CFAP57: variants seen among roughly 807,000 people sequenced by gnomAD.
CFAP57 encodes cilia- and flagella-associated protein 57.
In CFAP57, 116 loss-of-function variants were observed where a neutral mutation model predicts 146.8. The ratio of observed to expected loss-of-function variants is 0.79; its 90% confidence interval spans 0.68 to 0.92. CFAP57 has a LOEUF of 0.92. CFAP57 is among the 40% of genes least tolerant of loss of function. The pLI is 0.00. For synonymous variants in CFAP57, 518 were observed against 552.8 expected (o/e 0.94, Z 0.88); for missense variants, 1,377 against 1,527.2 (o/e 0.90, Z 1.64).
In CFAP57 at chr1:43,201,666, A is replaced by G. The variant is rs1014050333; in HGVS notation, c.1542+2163A>G. 6.6e-6 allele frequency among the ~76,000 whole-genome samples: 1 copy of G among 152,182 alleles called. No homozygotes were observed. Among genetic ancestry groups the G allele is most frequent in the Non-Finnish European group, 1.5e-5 (1 of 68,038 alleles). Reference sequence around the variant, plus strand: ...GTTTCGCTTTCGTTGCCCAGGCTGGAGTGCAATGGCACAATCTCAGCTCAC... The same window carrying G: ...GTTTCGCTTTCGTTGCCCAGGCTGGGGTGCAATGGCACAATCTCAGCTCAC... On this transcript the variant is annotated intron_variant, in intron 9 of 22. Coordinates refer to ENST00000372492, the MANE Select transcript of CFAP57 (RefSeq NM_001378189.1). This position sits in a 1 kb window ranked among gnomAD's most constrained non-coding sequence, Gnocchi z 4.4.
At position 43,189,768 on chromosome 1, in the gene CFAP57, G is replaced by A. The variant is rs144543457; in HGVS notation, c.1122+2909G>A. On this transcript the variant is annotated intron_variant, in intron 6 of 22. Transcript: ENST00000372492. ...GGTGCTGGCATCTGCTTCTGGTAAGGGTTCAGGAAGCTTACAATCATAGTG... is the reference window on the plus strand; with the variant it reads ...GGTGCTGGCATCTGCTTCTGGTAAGAGTTCAGGAAGCTTACAATCATAGTG... Among the ~76,000 whole-genome samples, 562 of 152,276 alleles carry A rather than the reference G, an allele frequency of 3.7e-3. 6 individuals carry two copies. Among genetic ancestry groups the A allele is most frequent in the African/African-American group, 0.013 (534 of 41,542 alleles).
chr1:43,197,988 C>T (rs598736), intron 7 of CFAP57, among the ~76,000 whole-genome samples: 4,262 of 152,244 alleles, frequency 0.028, 150 homozygotes, highest in African/African-American at 0.08. Flanking sequence ...TCCAGCTCTC[C>T]TATCCCCTTG....
At position 43,197,747 on chromosome 1, in the gene CFAP57, A is replaced by T. The variant is rs966684639; in HGVS notation, c.1262+55A>T. ...TATGCAAGACCCCAGTTGTGAATTT[A>T]TGTGAATTATTTTAATTACAGTGTT... On this transcript the variant is annotated intron_variant, in intron 7 of 22. Transcript: ENST00000372492. The T allele has an allele frequency of 2.5e-6, 4 of 1,603,038 alleles. No individual in the cohort carries two copies. In the East Asian group the frequency reaches 8.9e-5, roughly 36 times the overall value.
At chr1:43,228,318 C>T (rs942571610) in intron 18 of CFAP57, among the ~76,000 whole-genome samples, 5 of 152,240 alleles carry the variant, frequency 3.3e-5, no homozygotes, top group East Asian at 1.9e-4. Context: ...TCCCCCAGAT[C>T]GCCACATGGC....
intron 22 of CFAP57, among the ~76,000 whole-genome samples, chr1:43,247,835 C>A (rs972796865): frequency 7.9e-5 from 12 of 152,014 alleles, no homozygotes; most frequent in African/African-American, 2.7e-4. Flanking sequence ...TTTAAAGAAC[C>A]AGTCATTTGG....
intron 9 of CFAP57, among the ~76,000 whole-genome samples, chr1:43,202,557 C>T (rs1441564102): frequency 2.6e-5 from 4 of 151,796 alleles, no homozygotes; most frequent in African/African-American, 4.8e-5. Context: ...CTGAGGCAGG[C>T]GGATCCCTTG....
chr1:43,201,718 C>T lies in CFAP57; in HGVS notation c.1542+2215C>T, dbSNP rs920702711. On this transcript the variant is annotated intron_variant, in intron 9 of 22. Transcript: ENST00000372492. This position sits in a 1 kb window ranked among gnomAD's most constrained non-coding sequence, Gnocchi z 4.4. ...GCAACCTCCGCCTCCCAGGTTCAAG[C>T]GATTCTCCTGCCTCAGCCTCCTGAG... is the stretch of plus-strand genomic sequence containing the variant. Among the ~76,000 whole-genome samples, 14 of 152,306 alleles carry T rather than the reference C, an allele frequency of 9.2e-5. No homozygotes were observed. Among genetic ancestry groups the T allele is most frequent in the Non-Finnish European group, 1.8e-4 (12 of 68,018 alleles).
At chr1:43,172,633 C>A in intron 1 of CFAP57, 102 bp from the exon 2 acceptor site, 1 of 1,060,264 alleles carries the variant, frequency 9.4e-7, no homozygotes, top group South Asian at 1.3e-5. Flanking sequence ...AGGGGAGAGA[C>A]AAGGGGAGGA....
rs1646386073 is a variant in CFAP57, at chr1:43,254,158, C to G, written c.3720C>G (p.Asn1240Lys). The change falls in exon 23 of 23, where the codon AAC becomes AAG. Residue 1240 changes from asparagine (N) to lysine (K), a missense_variant. Transcript: ENST00000372492. ...GAGTTCGGCTTCCTTCCCTCTCCAA[C>G]TCCGAGGTAGACTTAGAGGTGAAGA... ...LAGVRLPSLS[N>K]SEVDLEVKTN is the part of the protein sequence containing the mutation. The G allele has an allele frequency of 6.4e-7, 1 of 1,550,446 alleles. No individual in the cohort carries two copies. Among genetic ancestry groups the G allele is most frequent in the Admixed American group, 2.0e-5 (1 of 50,986 alleles).
rs751508910 is a variant in CFAP57, at chr1:43,199,496, C to T, written c.1535C>T (p.Thr512Ile). The T allele has an allele frequency of 4.0e-5, 64 of 1,614,030 alleles. 3 individuals are homozygous for T. The South Asian group carries it at 6.0e-4, about 15-fold the overall frequency. Reference sequence around the variant, plus strand: ...AACATCTCAAGCCTGAAAGGACACACAGGGAAGGTAAGTGAGTGAACAGTC... The same window carrying T: ...AACATCTCAAGCCTGAAAGGACACATAGGGAAGGTAAGTGAGTGAACAGTC... The part of the protein sequence containing the change: ...LENISSLKGH[T>I]GKIRSIVWNA... Residue 512 changes from threonine (T) to isoleucine (I), a missense_variant, in exon 9 of 23, where the codon ACA becomes ATA. Coordinates refer to ENST00000372492, the MANE Select transcript of CFAP57 (RefSeq NM_001378189.1).
chr1:43,192,723 G>A (rs928646949), intron 6 of CFAP57, among the ~76,000 whole-genome samples: 3 of 151,100 alleles, frequency 2.0e-5, no homozygotes, highest in Admixed American at 6.6e-5. Flanking sequence ...TCGAGAGGTC[G>A]AGACCAGCCT....
Position 43,186,806 on chromosome 1 carries a change from A to C in CFAP57, c.1069A>C (p.Thr357Pro), listed in dbSNP as rs1643157256. 1 of 1,614,110 alleles carries C rather than the reference A, an allele frequency of 6.2e-7. No homozygotes were observed. The highest frequency in any genetic ancestry group is 1.3e-5 in the African/African-American group (1 of 75,006). Reference protein sequence around the residue: ...SPSEETLVASTSKNQLYSITM... With the variant: ...SPSEETLVASPSKNQLYSITM... ...CTCAGAGGAAACTCTGGTTGCCAGC[A>C]CCAGTAAGAACCAACTCTACAGCAT... Residue 357 changes from threonine to proline, a missense_variant, in exon 6 of 23, where the codon ACC (threonine) becomes CCC (proline). Physicochemically the swap from Thr to Pro is conservative, Grantham distance 38. Transcript: ENST00000372492.
Position 43,238,234 on chromosome 1 carries a change from G to A in CFAP57, c.3405+3596G>A, listed in dbSNP as rs1303886254. 9.9e-5 allele frequency among the ~76,000 whole-genome samples: 15 copies of A among 152,116 alleles called. No homozygotes were observed. On this transcript the variant is annotated intron_variant, in intron 21 of 22. Coordinates refer to ENST00000372492, the MANE Select transcript of CFAP57 (RefSeq NM_001378189.1). The surrounding 1 kb of genome is among the most constrained non-coding windows in gnomAD (Gnocchi z 4.3). Reference sequence around the variant, plus strand: ...GTTGCCTGCTTTTTCCAGGCTGTGAGGTACTGCCATATTCTAAAGGCATCG... The same window carrying A: ...GTTGCCTGCTTTTTCCAGGCTGTGAAGTACTGCCATATTCTAAAGGCATCG...
chr1:43,224,768 C>A (rs1861), intron 17 of CFAP57, among the ~76,000 whole-genome samples: 2,738 of 152,312 alleles, frequency 0.018, 47 homozygotes, highest in Non-Finnish European at 0.029. Flanking sequence ...CTGAGCACAT[C>A]CAGATTCCGT....
chr1:43,177,838 G>C (rs533181171), intron 2 of CFAP57, among the ~76,000 whole-genome samples: 12 of 152,320 alleles, frequency 7.9e-5, no homozygotes, highest in African/African-American at 2.9e-4. Context: ...GGTAATGCTT[G>C]CTCACCTCCT....
intron 2 of CFAP57, among the ~76,000 whole-genome samples, chr1:43,176,066 T>C (rs576238832): frequency 1.7e-4 from 26 of 152,116 alleles, no homozygotes; most frequent in Non-Finnish European, 3.4e-4. Flanking sequence ...CTTGTACACA[T>C]GTGGGTGGAT....
At chr1:43,234,941 A>G (rs1051207032) in intron 21 of CFAP57, among the ~76,000 whole-genome samples, 2 of 151,914 alleles carry the variant, frequency 1.3e-5, no homozygotes, top group African/African-American at 2.4e-5. Context: ...ATCTTTATCC[A>G]GAGCACACCT....
chr1:43,177,685 A>G (rs1440501524), intron 2 of CFAP57, among the ~76,000 whole-genome samples: 1 of 152,180 alleles, frequency 6.6e-6, no homozygotes, highest in Non-Finnish European at 1.5e-5. Context: ...TGGTTTCAGG[A>G]TGAAACTGTT....
rs1471372496 is a variant in CFAP57 at position 43,254,263 on chromosome 1, G to A, written c.*72G>A. On this transcript the variant is annotated 3_prime_UTR_variant, in exon 23 of 23. Coordinates refer to ENST00000372492, the MANE Select transcript of CFAP57 (RefSeq NM_001378189.1). ...ATGTCTGTCCCCAAGCCAGACTTGCGGTTGGAGTCTGTATGGTCCCTGCAG... is the reference window on the plus strand; with the variant it reads ...ATGTCTGTCCCCAAGCCAGACTTGCAGTTGGAGTCTGTATGGTCCCTGCAG... 20 of 1,385,274 alleles carry A rather than the reference G, an allele frequency of 1.4e-5. No homozygotes were observed. Among genetic ancestry groups the A allele is most frequent in the Admixed American group, 4.4e-5 (2 of 45,018 alleles). The allele number at this position is 1,385,274 out of a possible 1,614,324, so 85.8% of individuals were successfully genotyped here. A position where few individuals can be genotyped will look rare whatever the true frequency, so the allele number is the denominator to read the frequency against.
Sources: gnomAD v4.1 joint callset for allele counts (sites outside exome capture counted in the v4.1 genomes callset) on GRCh38, gnomAD v4.1.1 for gene constraint, Gnocchi (gnomAD v3.1) non-coding constraint, MANE v1.5 for transcripts, NCBI Gene and HGNC (gene_info 2026-07-23, HGNC 2026-07-21) for gene names.